The following VPS53 variants were observed in gnomAD, a reference collection of about 807,000 sequenced individuals.
VPS53 encodes the protein VPS53 subunit of GARP complex, also known as vacuolar protein sorting-associated protein 53 homolog.
VPS53 carries 70 observed loss-of-function variants against 107.0 expected under a neutral mutation model. The observed-to-expected ratio is 0.65, with a 90% CI of 0.54 to 0.80. The LOEUF (loss-of-function observed/expected upper bound fraction) is 0.80. Among genes scored for constraint, VPS53 ranks in the 30% least tolerant of loss-of-function variants. The pLI is 0.00. For synonymous variants in VPS53, 409 were observed against 393.3 expected (o/e 1.04, Z -0.47); for missense variants, 917 against 1,049.4 (o/e 0.87, Z 1.74).
At chr17:637,026 G>A (rs1395126448) in intron 7 of VPS53, among the ~76,000 whole-genome samples, 6 of 152,106 alleles carry the variant, frequency 3.9e-5, no homozygotes, top group Admixed American at 2.0e-4. Flanking sequence ...GGTAGAATTC[G>A]GCTGTGAATC....
chr17:524,086 G>A lies in VPS53; in HGVS notation c.2086-2348C>T, dbSNP rs529932228. On this transcript the variant is annotated intron_variant, in intron 19 of 21. Coordinates refer to ENST00000437048, the MANE Select transcript of VPS53 (RefSeq NM_001128159.3). This position sits in a 1 kb window ranked among gnomAD's most constrained non-coding sequence, Gnocchi z 4.5. ...GGCCGAGGCGGGTGGATCATCTGAG[G>A]TCAGGAGTTCGAGACCAGCCTGGCC... is the stretch of plus-strand genomic sequence containing the variant. Among the ~76,000 whole-genome samples, 6 of 152,204 alleles carry A rather than the reference G, an allele frequency of 3.9e-5. No homozygotes were observed. In the East Asian group the frequency reaches 9.7e-4, roughly 24 times the overall value.
intron 13 of VPS53, among the ~76,000 whole-genome samples, chr17:577,198 TCAATGCGTTCC>T (rs1247397437): frequency 6.9e-6 from 1 of 145,104 alleles, no homozygotes; most frequent in Non-Finnish European, 1.5e-5. Flanking sequence ...CCTCAGGACG[TCAATGCGTTCC>T]CAGAGAACCT....
intron 17 of VPS53, among the ~76,000 whole-genome samples, chr17:546,327 T>TCACACACACACA (rs888241748): frequency 4.3e-5 from 4 of 93,118 alleles, no homozygotes; most frequent in South Asian, 3.3e-4. Context: ...ATCTTAGATA[T>TCACACACACACA]CTCACACACA....
chr17:704,683 A>G (rs1030387930), intron 2 of VPS53, among the ~76,000 whole-genome samples: 1 of 152,194 alleles, frequency 6.6e-6, no homozygotes, highest in African/African-American at 2.4e-5. Context: ...GTGACTGTAC[A>G]TTATCATATA....
intron 2 of VPS53, among the ~76,000 whole-genome samples, chr17:705,050 T>C (rs746826818): frequency 1.3e-5 from 2 of 152,194 alleles, no homozygotes; most frequent in Non-Finnish European, 2.9e-5. Context: ...AAAAAAAGTT[T>C]GGAAGGATCT....
In VPS53 at chr17:512,647, A is replaced by C. The variant is rs1302824485; in HGVS notation, c.*6481T>G. 1 of 152,226 alleles carries C rather than the reference A, an allele frequency of 6.6e-6. No individual in the cohort carries two copies. Among genetic ancestry groups the C allele is most frequent in the Non-Finnish European group, 1.5e-5 (1 of 68,046 alleles). 9.4% of individuals were successfully genotyped at this position (152,226 alleles called of 1,614,324 possible). ...GGAGCTGTTGAAAAGAAAGAATGGAAACGAGGTAATGATCCTGGAGCCTAA... is the reference window on the plus strand; with the variant it reads ...GGAGCTGTTGAAAAGAAAGAATGGACACGAGGTAATGATCCTGGAGCCTAA... On this transcript the variant is annotated 3_prime_UTR_variant, in exon 22 of 22. Transcript: ENST00000437048.
In VPS53 at chr17:656,700, A is replaced by ATGTG. The variant is rs34123743; in HGVS notation, c.373-751_373-748dup. 383 of 554,494 alleles carry ATGTG rather than the reference A, an allele frequency of 6.9e-4. 1 individual carries two copies. The highest frequency in any genetic ancestry group is 5.8e-3 in the East Asian group (184 of 31,870). The allele number at this position is 554,494 out of a possible 1,614,324, so 34.3% of individuals were successfully genotyped here. A position where few individuals can be genotyped will look rare whatever the true frequency, so the allele number is the denominator to read the frequency against. On this transcript the variant is annotated intron_variant, in intron 5 of 21. Transcript: ENST00000437048. The stretch of plus-strand genomic sequence containing the variant: ...TTTCTTGGTCCATGCTGACTAAGAA[A>ATGTG]TGTGTGTGTGTGTGTGTGTGTGTGT...
At chr17:662,248 C>T (rs924776411) in intron 4 of VPS53, among the ~76,000 whole-genome samples, 7 of 152,250 alleles carry the variant, frequency 4.6e-5, no homozygotes, top group Non-Finnish European at 8.8e-5. Flanking sequence ...AGGGGTAGCT[C>T]TAAATTGGGG....
intron 13 of VPS53, 70 bp downstream of exon 13, chr17:586,200 C>T (rs533377823): frequency 1.1e-4 from 154 of 1,450,682 alleles, no homozygotes; most frequent in Non-Finnish European, 1.2e-4. Flanking sequence ...GAGCTGTGCG[C>T]TCCTAAGACC....
Position 551,912 on chromosome 17 carries a change from A to T in VPS53, c.1826T>A (p.Leu609Gln). Reference protein sequence around the residue: ...SSSIQLLVQDLDAACDPALTA... With the variant: ...SSSIQLLVQDQDAACDPALTA... ...CAGGGCAGGATCACAGGCAGCATCC[A>T]GATCCTGAACCAGCAGCTGAATACT... Residue 609 changes from leucine to glutamine, a missense_variant, in exon 17 of 22, where the codon CTG (leucine) becomes CAG (glutamine). By Grantham distance (113) the Leu-to-Gln change is moderately radical (BLOSUM62 -2). Coordinates refer to ENST00000437048, the MANE Select transcript of VPS53 (RefSeq NM_001128159.3). 6.2e-7 allele frequency: 1 copy of T among 1,605,488 alleles called. No homozygotes were observed. The highest frequency in any genetic ancestry group is 8.5e-7 in the Non-Finnish European group (1 of 1,175,914).
At chr17:592,068 G>C (rs369969184) in intron 12 of VPS53, among the ~76,000 whole-genome samples, 1 of 152,132 alleles carries the variant, frequency 6.6e-6, no homozygotes, top group Admixed American at 6.5e-5. Context: ...TTATGAATCT[G>C]GGTGCTCCTG....
In VPS53 at chr17:712,308, T is replaced by C. The variant is rs1339215806; in HGVS notation, c.88-1695A>G. 3.3e-5 allele frequency among the ~76,000 whole-genome samples: 5 copies of C among 150,146 alleles called. No homozygotes were observed. In the South Asian group the frequency reaches 1.1e-3, roughly 32 times the overall value. On this transcript the variant is annotated intron_variant, in intron 1 of 21. Coordinates refer to ENST00000437048, the MANE Select transcript of VPS53 (RefSeq NM_001128159.3). ...CAGTTCTTTGCCTCAACCTCCCGAGTAGCTGAGATTACGGGCACCTGCCAC... is the reference window on the plus strand; with the variant it reads ...CAGTTCTTTGCCTCAACCTCCCGAGCAGCTGAGATTACGGGCACCTGCCAC...
chr17:657,877 C>A (rs12937723), intron 5 of VPS53, among the ~76,000 whole-genome samples: 1 of 150,752 alleles, frequency 6.6e-6, no homozygotes, highest in South Asian at 2.1e-4. Flanking sequence ...GCAGGGAGTT[C>A]GTGGATAGAT....
chr17:660,522 A>C (rs1400838035), intron 5 of VPS53, among the ~76,000 whole-genome samples: 3 of 152,236 alleles, frequency 2.0e-5, no homozygotes, highest in African/African-American at 4.8e-5. Flanking sequence ...AACACAGATT[A>C]GCATCATAAG....
At chr17:526,812 G>C (rs572513486) in intron 19 of VPS53, among the ~76,000 whole-genome samples, 1 of 152,182 alleles carries the variant, frequency 6.6e-6, no homozygotes, top group Non-Finnish European at 1.5e-5. Context: ...ACTTCCCGAG[G>C]AGCCTCCTAC....
intron 7 of VPS53, among the ~76,000 whole-genome samples, chr17:646,438 T>C (rs1970714652): frequency 7.3e-6 from 1 of 137,918 alleles, no homozygotes; most frequent in Non-Finnish European, 1.6e-5. Context: ...TACCACTGAC[T>C]GGAGATTGGC....
At chr17:663,868 C>T (rs1038878568) in intron 4 of VPS53, among the ~76,000 whole-genome samples, 4 of 152,118 alleles carry the variant, frequency 2.6e-5, no homozygotes, top group Non-Finnish European at 4.4e-5. Flanking sequence ...AATGAACTTA[C>T]TTTGAGAAGT....
intron 4 of VPS53, among the ~76,000 whole-genome samples, chr17:671,017 G>A (rs960991823): frequency 6.6e-6 from 1 of 152,082 alleles, no homozygotes; most frequent in African/African-American, 2.4e-5. Flanking sequence ...AATCACCTAA[G>A]GTCAGGAGTT....
intron 5 of VPS53, among the ~76,000 whole-genome samples, chr17:656,202 T>C (rs1050504133): frequency 1.3e-5 from 2 of 152,206 alleles, no homozygotes; most frequent in African/African-American, 4.8e-5. Context: ...TTTATTTTTT[T>C]ACCCCAAATG....
Sources: gnomAD v4.1 joint callset for allele counts (sites outside exome capture counted in the v4.1 genomes callset) on GRCh38, gnomAD v4.1.1 for gene constraint, Gnocchi (gnomAD v3.1) non-coding constraint, MANE v1.5 for transcripts, NCBI Gene and HGNC (gene_info 2026-07-23, HGNC 2026-07-21) for gene names.